The following PHF21B variants were observed in gnomAD, a reference collection of about 807,000 sequenced individuals.
PHF21B encodes PHD finger protein 4.
PHF21B carries 22 observed loss-of-function variants against 62.2 expected under a neutral mutation model. That is an observed-to-expected ratio of 0.35 (90% CI 0.25 to 0.51). The LOEUF (loss-of-function observed/expected upper bound fraction) is 0.51, where lower values mean the gene tolerates loss of function less well. Among genes scored for constraint, PHF21B ranks in the 20% least tolerant of loss-of-function variants. PHF21B has a pLI of 0.97. For synonymous variants in PHF21B, 341 were observed against 314.7 expected (o/e 1.08, Z -0.88); for missense variants, 701 against 707.9 (o/e 0.99, Z 0.11).
intron 2 of PHF21B, among the ~76,000 whole-genome samples, chr22:44,957,745 A>G (rs945313918): frequency 6.6e-6 from 1 of 152,120 alleles, no homozygotes; most frequent in African/African-American, 2.4e-5. Flanking sequence ...TCCTGAATTT[A>G]GATCTGCTGT....
Position 44,905,707 on chromosome 22 carries a change from C to T in PHF21B, c.831+8115G>A, listed in dbSNP as rs545947707. On this transcript the variant is annotated intron_variant, in intron 5 of 12. Coordinates refer to ENST00000313237, the MANE Select transcript of PHF21B (RefSeq NM_138415.5). Reference sequence around the variant, plus strand: ...GCAGTGGCACCATCTCAGCTCACTGCAAGCTCCACCTCCCGGGTTCACACC... The same window carrying T: ...GCAGTGGCACCATCTCAGCTCACTGTAAGCTCCACCTCCCGGGTTCACACC... Among the ~76,000 whole-genome samples the T allele has an allele frequency of 2.6e-5, 4 of 152,288 alleles. 1 individual carries two copies. The highest frequency in any genetic ancestry group is 9.6e-5 in the African/African-American group (4 of 41,560).
intron 2 of PHF21B, among the ~76,000 whole-genome samples, chr22:44,929,553 G>A (rs144181951): frequency 2.6e-5 from 4 of 152,180 alleles, no homozygotes; most frequent in Non-Finnish European, 4.4e-5. Flanking sequence ...CCATGGGGAG[G>A]CCAACCCATG....
intron 2 of PHF21B, among the ~76,000 whole-genome samples, chr22:44,998,889 G>C (rs955931021): frequency 4.6e-5 from 7 of 152,088 alleles, no homozygotes; most frequent in African/African-American, 1.7e-4. Flanking sequence ...CTGCCAGAGG[G>C]GCTCCAACAC....
At chr22:45,008,683 G>T in intron 1 of PHF21B, 73 bp from the exon 2 acceptor site, 1 of 1,207,908 alleles carries the variant, frequency 8.3e-7, no homozygotes. Context: ...GCGGGCCGCG[G>T]CACCCCCCGC....
At chr22:44,978,369 T>C (rs13055438) in intron 2 of PHF21B, among the ~76,000 whole-genome samples, 11,412 of 152,222 alleles carry the variant, frequency 0.075, 565 homozygotes, top group Non-Finnish European at 0.11. Context: ...TTTGTTTTGT[T>C]TGTTTTTTGA....
At chr22:44,987,526 G>A (rs534080338) in intron 2 of PHF21B, among the ~76,000 whole-genome samples, 8 of 152,270 alleles carry the variant, frequency 5.3e-5, no homozygotes, top group Admixed American at 6.5e-5. Context: ...TCAAGCTTAC[G>A]AAACTAACAA....
rs546309993 is a variant in PHF21B, at chr22:44,920,384, C to T, written c.213+14G>A. 11 of 1,598,320 alleles carry T rather than the reference C, an allele frequency of 6.9e-6. No individual in the cohort carries two copies. The highest frequency in any genetic ancestry group is 4.5e-5 in the East Asian group (2 of 44,162). ...ACAGACGGACACCCCAGGGCCCGCC[C>T]GAGGGCTGCTTACCTGAGGTAGCAC... is the stretch of plus-strand genomic sequence containing the variant. On this transcript the variant is annotated intron_variant, in intron 3 of 12. Transcript: ENST00000313237.
chr22:44,947,712 A>T (rs2072103719), intron 2 of PHF21B, among the ~76,000 whole-genome samples: 1 of 152,184 alleles, frequency 6.6e-6, no homozygotes, highest in Non-Finnish European at 1.5e-5. Flanking sequence ...AGGCCTGAGG[A>T]TAGGGGTCAG....
chr22:44,892,682 C>CT (rs1215990285), intron 7 of PHF21B, among the ~76,000 whole-genome samples: 1 of 152,236 alleles, frequency 6.6e-6, no homozygotes, highest in Admixed American at 6.5e-5. Flanking sequence ...GAGAAAGACT[C>CT]TAAGACACTG....
chr22:44,923,121 A>G (rs2071566815), intron 2 of PHF21B, among the ~76,000 whole-genome samples: 1 of 152,008 alleles, frequency 6.6e-6, no homozygotes, highest in Non-Finnish European at 1.5e-5. Context: ...ACAGTGTAGT[A>G]TTGGTGTTAA....
intron 2 of PHF21B, among the ~76,000 whole-genome samples, chr22:44,978,382 T>G (rs2072777359): frequency 6.6e-6 from 1 of 152,182 alleles, no homozygotes; most frequent in South Asian, 2.1e-4. Context: ...TTTTTTGAGA[T>G]GGAGACTCCC....
At chr22:44,996,423 C>A (rs1173875723) in intron 2 of PHF21B, among the ~76,000 whole-genome samples, 1 of 152,102 alleles carries the variant, frequency 6.6e-6, no homozygotes. Context: ...AGTTCTAGCC[C>A]CAGACAGCTC....
chr22:44,986,498 G>A (rs1289151070), intron 2 of PHF21B, among the ~76,000 whole-genome samples: 1 of 138,408 alleles, frequency 7.2e-6, no homozygotes, highest in East Asian at 2.2e-4. Context: ...CTTGGGTCTT[G>A]GTGGATGGGC....
chr22:44,901,659 G>GA, intron 5 of PHF21B: 1 of 513,800 alleles, frequency 1.9e-6, no homozygotes, highest in Non-Finnish European at 3.1e-6. Context: ...GTGGCAAGGT[G>GA]AAAAGGGGGA....
intron 2 of PHF21B, among the ~76,000 whole-genome samples, chr22:44,958,717 T>C (rs963911432): frequency 6.8e-6 from 1 of 147,868 alleles, no homozygotes; most frequent in Admixed American, 7.0e-5. Flanking sequence ...GTGACTCTCC[T>C]GCCTCAGCCT....
At chr22:44,989,604 C>CTTTTTTTTT (rs386395581) in intron 2 of PHF21B, 1 of 64,534 alleles carries the variant, frequency 1.5e-5, no homozygotes, top group Non-Finnish European at 2.7e-5. Context: ...CACAACTCGA[C>CTTTTTTTTT]TTTTTTTTTT....
At position 44,883,164 on chromosome 22, in the gene PHF21B, T is replaced by C; in HGVS notation, c.1518A>G (p.Pro506=). The change falls in exon 13 of 13, where the codon CCA becomes CCG. Residue 506 remains proline, a synonymous_variant. Transcript: ENST00000313237. ...QVTMTTTSPA[P]LLAGPWTKPS... ...GCTTGGTCCAGGGCCCGGCCAGCAG[T>C]GGGGCAGGGCTAGTGGTCGTCATGG... is the stretch of plus-strand genomic sequence containing the variant. The C allele has an allele frequency of 1.9e-6, 3 of 1,613,074 alleles. No homozygotes were observed. Among genetic ancestry groups the C allele is most frequent in the East Asian group, 2.2e-5 (1 of 44,860 alleles).
intron 2 of PHF21B, among the ~76,000 whole-genome samples, chr22:44,945,199 T>A (rs1397324100): frequency 2.0e-5 from 3 of 152,182 alleles, no homozygotes; most frequent in Non-Finnish European, 4.4e-5. Flanking sequence ...CTGGCTCAGG[T>A]GTGACTGTGT....
intron 2 of PHF21B, among the ~76,000 whole-genome samples, chr22:44,957,581 A>G (rs2072327250): frequency 6.6e-6 from 1 of 152,086 alleles, no homozygotes; most frequent in Non-Finnish European, 1.5e-5. Flanking sequence ...TCCTGCCTTG[A>G]GTTCCCATTT....
Sources: allele counts gnomAD v4.1 joint callset (sites outside exome capture counted in the v4.1 genomes callset), GRCh38; gene constraint gnomAD v4.1.1; transcripts MANE v1.5; gene names NCBI Gene and HGNC (gene_info 2026-07-23, HGNC 2026-07-21).